The following ASIC2 variants were observed in gnomAD, a reference collection of about 807,000 sequenced individuals.
The protein encoded by ASIC2 is acid-sensing ion channel 2.
Under a neutral mutation model 57.3 loss-of-function variants are expected in ASIC2, and 25 were observed. The ratio of observed to expected loss-of-function variants is 0.44; its 90% CI spans 0.32 to 0.61. The LOEUF (loss-of-function observed/expected upper bound fraction) is 0.61. Ranked by LOEUF, ASIC2 falls within the 20% of genes least tolerant of loss-of-function variation. The probability of loss-of-function intolerance (pLI) is 0.06; values close to 1 mark genes in which losing one functional copy is unlikely to be tolerated. For synonymous variants in ASIC2, 319 were observed against 307.5 expected, an observed-to-expected ratio of 1.04 and a Z score of -0.39; for missense variants, 641 against 738.1, an observed-to-expected ratio of 0.87 and a Z score of 1.52.
chr17:33,712,636 C>T (rs796691731), intron 1 of ASIC2, among the ~76,000 whole-genome samples: 1,866 of 63,300 alleles, frequency 0.029, 36 homozygotes, highest in African/African-American at 0.1. Flanking sequence ...ACTCATATGG[C>T]TTTTTTTTTT....
intron 1 of ASIC2, among the ~76,000 whole-genome samples, chr17:33,380,560 T>G (rs1401337208): frequency 1.3e-5 from 2 of 152,202 alleles, no homozygotes; most frequent in Non-Finnish European, 2.9e-5. Flanking sequence ...ATGTTTTACA[T>G]CCAGAATCTA....
At chr17:33,125,292 G>C (rs2092318935) in intron 1 of ASIC2, among the ~76,000 whole-genome samples, 1 of 152,198 alleles carries the variant, frequency 6.6e-6, no homozygotes, top group South Asian at 2.1e-4. Context: ...ATAGAAGAGA[G>C]AGCATAGGCT....
At chr17:33,407,988 G>A (rs1480682192) in intron 1 of ASIC2, among the ~76,000 whole-genome samples, 2 of 152,208 alleles carry the variant, frequency 1.3e-5, no homozygotes, top group East Asian at 3.9e-4. Flanking sequence ...ATGGTGGGGA[G>A]GCATTTGGGG....
intron 1 of ASIC2, among the ~76,000 whole-genome samples, chr17:33,829,566 A>C (rs1412489474): frequency 6.6e-6 from 1 of 150,798 alleles, no homozygotes; most frequent in Non-Finnish European, 1.5e-5. Context: ...GCAGGACATT[A>C]TGTTAAACTT....
intron 1 of ASIC2, among the ~76,000 whole-genome samples, chr17:33,331,573 C>T (rs561829274): frequency 2.0e-5 from 3 of 152,264 alleles, no homozygotes; most frequent in African/African-American, 7.2e-5. Flanking sequence ...TTTTATTCTG[C>T]TACATTTTTT....
intron 1 of ASIC2, among the ~76,000 whole-genome samples, chr17:33,517,077 A>C (rs1914594801): frequency 1.3e-5 from 2 of 151,932 alleles, no homozygotes; most frequent in African/African-American, 4.8e-5. Context: ...TGGTTCTCAA[A>C]CCCTCATAAC....
intron 1 of ASIC2, among the ~76,000 whole-genome samples, chr17:33,373,260 C>G (rs1909150434): frequency 6.6e-6 from 1 of 152,196 alleles, no homozygotes; most frequent in African/African-American, 2.4e-5. Context: ...ACAGGGTGTT[C>G]TGAAACCACC....
chr17:33,318,483 C>A (rs770519407), intron 1 of ASIC2, among the ~76,000 whole-genome samples: 1 of 152,194 alleles, frequency 6.6e-6, no homozygotes, highest in Non-Finnish European at 1.5e-5. Flanking sequence ...TGCCTCCCTG[C>A]TGCCCTCCCT....
At chr17:33,177,899 T>G (rs1597617412) in intron 1 of ASIC2, among the ~76,000 whole-genome samples, 1 of 152,146 alleles carries the variant, frequency 6.6e-6, no homozygotes, top group Admixed American at 6.5e-5. Context: ...CCAGTCTAGT[T>G]CCTGACCTTA....
At chr17:33,279,069 C>T (rs566006058) in intron 1 of ASIC2, among the ~76,000 whole-genome samples, 94 of 152,252 alleles carry the variant, frequency 6.2e-4, no homozygotes, top group Non-Finnish European at 1.0e-3. Context: ...CCTGAGATAA[C>T]CATAGAAGAG....
chr17:33,830,890 C>T (rs550229302), intron 1 of ASIC2, among the ~76,000 whole-genome samples: 61 of 151,956 alleles, frequency 4.0e-4, no homozygotes, highest in Non-Finnish European at 1.9e-4. Context: ...GTGGGTGGAT[C>T]ATCTGAGGTC....
intron 1 of ASIC2, among the ~76,000 whole-genome samples, chr17:33,799,426 T>TCTTTCTTTCTTTCTTC (rs1567719026): frequency 3.1e-5 from 2 of 63,584 alleles, no homozygotes; most frequent in African/African-American, 1.4e-4. Flanking sequence ...TTTCTTTCTT[T>TCTTTCTTTCTTTCTTC]CTTCTTTCTT....
chr17:33,170,123 C>G (rs1905454705), intron 1 of ASIC2, among the ~76,000 whole-genome samples: 1 of 152,156 alleles, frequency 6.6e-6, no homozygotes, highest in South Asian at 2.1e-4. Context: ...CCAAGGGAAT[C>G]AAGTGTAGCC....
intron 1 of ASIC2, among the ~76,000 whole-genome samples, chr17:33,964,848 C>T (rs971279642): frequency 2.0e-5 from 3 of 152,180 alleles, no homozygotes; most frequent in Non-Finnish European, 4.4e-5. Flanking sequence ...GGCTTCTTGT[C>T]CTGCTGCTGT....
chr17:33,975,361 G>A (rs1018066110), intron 1 of ASIC2, among the ~76,000 whole-genome samples: 12 of 151,900 alleles, frequency 7.9e-5, no homozygotes, highest in African/African-American at 2.4e-4. Context: ...CTCAATCTTC[G>A]CCCTCTATCT....
At chr17:33,472,363 C>G (rs115073753) in intron 1 of ASIC2, among the ~76,000 whole-genome samples, 5 of 152,250 alleles carry the variant, frequency 3.3e-5, no homozygotes, top group Middle Eastern at 3.4e-3. Flanking sequence ...AAACACCCAC[C>G]ATGCACTGGG....
intron 1 of ASIC2, among the ~76,000 whole-genome samples, chr17:33,493,132 T>C (rs893349171): frequency 6.6e-6 from 1 of 152,184 alleles, no homozygotes; most frequent in African/African-American, 2.4e-5. Flanking sequence ...GAAACACTTG[T>C]GGTCACTGGG....
intron 1 of ASIC2, among the ~76,000 whole-genome samples, chr17:33,991,814 C>A (rs1056319416): frequency 6.6e-6 from 1 of 152,178 alleles, no homozygotes; most frequent in Admixed American, 6.5e-5. Flanking sequence ...ACAATTACAG[C>A]CTGAGAGGAT....
chr17:33,840,325 G>A (rs1212369744), intron 1 of ASIC2, among the ~76,000 whole-genome samples: 9 of 152,118 alleles, frequency 5.9e-5, no homozygotes, highest in African/African-American at 1.9e-4. Flanking sequence ...TCATTGAAAC[G>A]TTTCTGGGGA....
Sources: gnomAD v4.1 joint callset for allele counts (sites outside exome capture counted in the v4.1 genomes callset) on GRCh38, gnomAD v4.1.1 for gene constraint, MANE v1.5 for transcripts, NCBI Gene and HGNC (gene_info 2026-07-23, HGNC 2026-07-21) for gene names.